Variants in KLHL24 observed in about 807,000 individuals in gnomAD.
KLHL24 encodes the protein kelch-like protein 24.
KLHL24 carries 29 observed loss-of-function variants against 53.4 expected under a neutral mutation model. The observed-to-expected ratio is 0.54, with a 90% CI of 0.40 to 0.74. KLHL24 has a LOEUF of 0.74. Among genes scored for constraint, KLHL24 ranks in the 30% least tolerant of loss-of-function variants. The probability of loss-of-function intolerance (pLI) is 0.00; values close to 1 mark genes in which losing one functional copy is unlikely to be tolerated. For missense variants in KLHL24, 504 were observed against 744.0 expected, an observed-to-expected ratio of 0.68 and a Z score of 3.75; for synonymous variants, 222 against 253.7, an observed-to-expected ratio of 0.88 and a Z score of 1.19.
chr3:183,663,704 A>C lies in KLHL24; in HGVS notation c.1105+62A>C. On this transcript the variant is annotated intron_variant, in intron 4 of 7. Coordinates refer to ENST00000242810, the MANE Select transcript of KLHL24 (RefSeq NM_017644.3). This position sits in a 1 kb window ranked among gnomAD's most constrained non-coding sequence, Gnocchi z 4.9. ...TGGACACAGCTTCATTATTTTAAAC[A>C]TCAACAGTGTCTTAAAATAGTGAAA... 1.1e-6 allele frequency: 1 copy of C among 916,656 alleles called. No individual in the cohort carries two copies. Among genetic ancestry groups the C allele is most frequent in the Non-Finnish European group, 1.6e-6 (1 of 629,766 alleles). The allele number at this position is 916,656 out of a possible 1,614,324, so 56.8% of individuals were successfully genotyped here. A position where few individuals can be genotyped will look rare whatever the true frequency, so the allele number is the denominator to read the frequency against.
chr3:183,669,070 C>T (rs978280916), intron 5 of KLHL24, among the ~76,000 whole-genome samples: 2 of 151,972 alleles, frequency 1.3e-5, no homozygotes, highest in South Asian at 4.2e-4. Flanking sequence ...AATCTAGAGG[C>T]CTTTTGTCTT....
chr3:183,639,426 C>T (rs187726300), intron 1 of KLHL24, among the ~76,000 whole-genome samples: 7 of 151,656 alleles, frequency 4.6e-5, no homozygotes, highest in Admixed American at 2.6e-4. Flanking sequence ...GTCAGGAGAT[C>T]AAGACCATCC....
chr3:183,666,259 A>AT (rs59275668), intron 5 of KLHL24, among the ~76,000 whole-genome samples: 3 of 149,938 alleles, frequency 2.0e-5, no homozygotes, highest in Admixed American at 1.3e-4. Context: ...GATTTTGGAT[A>AT]TTTTTTTTTT....
intron 1 of KLHL24, among the ~76,000 whole-genome samples, chr3:183,639,911 G>A (rs1241901150): frequency 6.6e-6 from 1 of 151,924 alleles, no homozygotes; most frequent in East Asian, 1.9e-4. Context: ...TGTAATCCCA[G>A]CTACTCGGGA....
At chr3:183,655,549 A>C (rs890173257) in intron 3 of KLHL24, among the ~76,000 whole-genome samples, 2 of 152,120 alleles carry the variant, frequency 1.3e-5, no homozygotes, top group Non-Finnish European at 2.9e-5. Context: ...GGATCACTTG[A>C]GCCTAGGAGT....
intron 5 of KLHL24, 131 bp downstream of exon 5, chr3:183,665,170 A>G (rs1052625424): frequency 9.9e-6 from 6 of 604,256 alleles, no homozygotes; most frequent in African/African-American, 5.5e-5. Flanking sequence ...TCTAACCTCA[A>G]TAGATAAACC....
intron 7 of KLHL24, 26 bp from the exon 8 acceptor site, chr3:183,679,060 T>G: frequency 6.4e-7 from 1 of 1,570,334 alleles, no homozygotes; most frequent in Non-Finnish European, 8.8e-7. Flanking sequence ...ATGGTTAATT[T>G]TTTGTTTATA....
At chr3:183,637,463 G>A (rs534943689) in intron 1 of KLHL24, among the ~76,000 whole-genome samples, 1 of 152,288 alleles carries the variant, frequency 6.6e-6, no homozygotes, top group African/African-American at 2.4e-5. Context: ...TTGAGAAGTG[G>A]GTTGCGACTG....
intron 3 of KLHL24, among the ~76,000 whole-genome samples, chr3:183,661,470 A>G (rs1472520148): frequency 6.6e-6 from 1 of 152,194 alleles, no homozygotes; most frequent in Non-Finnish European, 1.5e-5. Context: ...TATTGGGTTA[A>G]CAGTCCGTGA....
intron 5 of KLHL24, among the ~76,000 whole-genome samples, chr3:183,670,495 T>C (rs930899407): frequency 6.6e-6 from 1 of 152,240 alleles, no homozygotes; most frequent in African/African-American, 2.4e-5. Flanking sequence ...TCATTTTGTG[T>C]CAAGTACTTT....
At chr3:183,640,600 C>CTTT (rs761361160) in intron 1 of KLHL24, among the ~76,000 whole-genome samples, 4 of 61,664 alleles carry the variant, frequency 6.5e-5, no homozygotes, top group Non-Finnish European at 1.2e-4. Context: ...TTTCTTTTTT[C>CTTT]TTTTTTTTTT....
intron 7 of KLHL24, among the ~76,000 whole-genome samples, chr3:183,678,514 CT>C (rs36116160): frequency 2.8e-4 from 42 of 148,134 alleles, no homozygotes; most frequent in Non-Finnish European, 3.2e-4. Context: ...AACATATAAT[CT>C]TTTTTTTTTT....
chr3:183,674,620 A>T (rs2108889749), intron 7 of KLHL24, among the ~76,000 whole-genome samples: 1 of 152,254 alleles, frequency 6.6e-6, no homozygotes, highest in Middle Eastern at 3.4e-3. Flanking sequence ...TCAGCCTCCC[A>T]AAGTGCTGGG....
In KLHL24 at chr3:183,681,589, T is replaced by C. The variant is rs1378851733; in HGVS notation, c.*2303T>C. 1 of 152,318 alleles carries C rather than the reference T, an allele frequency of 6.6e-6. No homozygotes were observed. Among genetic ancestry groups the C allele is most frequent in the Non-Finnish European group, 1.5e-5 (1 of 67,844 alleles). 9.4% of individuals were successfully genotyped at this position (152,318 alleles called of 1,614,324 possible). On this transcript the variant is annotated 3_prime_UTR_variant, in exon 8 of 8. Coordinates refer to ENST00000242810, the MANE Select transcript of KLHL24 (RefSeq NM_017644.3). ...TTTCTCTACATAATTTAAAACTACA[T>C]AAATTAAGTACTTAAAATTTATATT...
intron 7 of KLHL24, among the ~76,000 whole-genome samples, chr3:183,673,902 C>G (rs1020035063): frequency 6.6e-6 from 1 of 152,190 alleles, no homozygotes; most frequent in African/African-American, 2.4e-5. Context: ...CCATCAAAGC[C>G]TCTCTCCTGT....
At chr3:183,668,370 C>T (rs1720868908) in intron 5 of KLHL24, among the ~76,000 whole-genome samples, 1 of 151,988 alleles carries the variant, frequency 6.6e-6, no homozygotes, top group Non-Finnish European at 1.5e-5. Flanking sequence ...TGAAGATACC[C>T]AAAGCTTAGA....
At position 183,650,562 on chromosome 3, in the gene KLHL24, T is replaced by C. The variant is rs1717988298; in HGVS notation, c.206T>C (p.Ile69Thr). 1 of 1,613,524 alleles carries C rather than the reference T, an allele frequency of 6.2e-7. No individual in the cohort carries two copies. Reference protein sequence around the residue: ...FRDSRLFTDVIICVEGKEFPC... With the variant: ...FRDSRLFTDVTICVEGKEFPC... ...GATAGCCGCTTATTCACAGATGTTATCATTTGTGTGGAAGGAAAAGAATTT... is the reference window on the plus strand; with the variant it reads ...GATAGCCGCTTATTCACAGATGTTACCATTTGTGTGGAAGGAAAAGAATTT... The change falls in exon 3 of 8, where the codon ATC (isoleucine) becomes ACC (threonine). Residue 69 changes from isoleucine to threonine, a missense_variant. Physicochemically the swap from Ile to Thr is moderately conservative, Grantham distance 89. Coordinates refer to ENST00000242810, the MANE Select transcript of KLHL24 (RefSeq NM_017644.3). The surrounding 1 kb of genome is among the most constrained non-coding windows in gnomAD (Gnocchi z 4.5).
At chr3:183,641,474 CAA>C (rs202119480) in intron 1 of KLHL24, among the ~76,000 whole-genome samples, 15 of 70,244 alleles carry the variant, frequency 2.1e-4, no homozygotes, top group Admixed American at 5.1e-4. Context: ...GAGACTGTCT[CAA>C]AAAAAAAAAA....
intron 1 of KLHL24, among the ~76,000 whole-genome samples, chr3:183,639,105 G>A (rs1715869991): frequency 6.6e-6 from 1 of 152,102 alleles, no homozygotes; most frequent in Admixed American, 6.6e-5. Context: ...GGAGGCTGAG[G>A]CAGGAGAATC....
Sources: allele counts gnomAD v4.1 joint callset (sites outside exome capture counted in the v4.1 genomes callset), GRCh38; gene constraint gnomAD v4.1.1; non-coding constraint Gnocchi (gnomAD v3.1); transcripts MANE v1.5; gene names NCBI Gene and HGNC (gene_info 2026-07-23, HGNC 2026-07-21).